Variants in ADGRB3 observed in about 807,000 individuals in gnomAD.
The protein encoded by ADGRB3 is brain-specific angiogenesis inhibitor 3.
Under a neutral mutation model 193.4 loss-of-function variants are expected in ADGRB3, and 37 were observed. The ratio of observed to expected loss-of-function variants is 0.19; its 90% CI spans 0.15 to 0.25. The LOEUF is 0.25. ADGRB3 is among the 10% of genes least tolerant of loss of function. The pLI is 1.00. For synonymous variants in ADGRB3, 690 were observed against 644.2 expected, an observed-to-expected ratio of 1.07 and a Z score of -1.08; for missense variants, 1,637 against 1,852.9, an observed-to-expected ratio of 0.88 and a Z score of 2.14.
chr6:68,848,610 T>C (rs981576150), intron 3 of ADGRB3, among the ~76,000 whole-genome samples: 1 of 152,080 alleles, frequency 6.6e-6, no homozygotes, highest in Non-Finnish European at 1.5e-5. Context: ...TACTATGTTT[T>C]ACATAATTCT....
intron 20 of ADGRB3, among the ~76,000 whole-genome samples, chr6:69,249,027 G>A (rs1766556516): frequency 2.0e-5 from 3 of 152,114 alleles, no homozygotes; most frequent in Admixed American, 2.0e-4. Context: ...GCCCAGGCTG[G>A]AGTGCAGTAG....
chr6:68,968,233 G>C (rs1242445483), intron 8 of ADGRB3, among the ~76,000 whole-genome samples: 1 of 152,020 alleles, frequency 6.6e-6, no homozygotes, highest in Admixed American at 6.6e-5. Context: ...TCACCCTACT[G>C]GCTCACTAGT....
intron 3 of ADGRB3, among the ~76,000 whole-genome samples, chr6:68,768,601 T>C (rs571168599): frequency 6.6e-6 from 1 of 152,150 alleles, no homozygotes; most frequent in South Asian, 2.1e-4. Context: ...GAAGAAAACC[T>C]AGGCAATATC....
chr6:68,703,447 A>T (rs1266879137), intron 3 of ADGRB3, among the ~76,000 whole-genome samples: 1 of 152,070 alleles, frequency 6.6e-6, no homozygotes, highest in Admixed American at 6.6e-5. Context: ...TTAACTATAT[A>T]TATGTTTCTA....
chr6:68,965,974 A>T (rs930652327), intron 8 of ADGRB3, among the ~76,000 whole-genome samples: 2 of 152,184 alleles, frequency 1.3e-5, no homozygotes, highest in African/African-American at 4.8e-5. Context: ...GGATTCCATC[A>T]TATATATCAA....
chr6:69,022,029 A>G (rs958002528), intron 13 of ADGRB3, among the ~76,000 whole-genome samples: 3 of 151,908 alleles, frequency 2.0e-5, no homozygotes. Flanking sequence ...AAAATAATCA[A>G]GCTTCAATAT....
chr6:68,736,109 T>G (rs1432979100), intron 3 of ADGRB3, among the ~76,000 whole-genome samples: 1 of 151,914 alleles, frequency 6.6e-6, no homozygotes, highest in East Asian at 1.9e-4. Context: ...GTTCCTGGGC[T>G]CAGGAGATCC....
At chr6:69,210,553 A>G (rs1235115977) in intron 17 of ADGRB3, among the ~76,000 whole-genome samples, 1 of 152,038 alleles carries the variant, frequency 6.6e-6, no homozygotes, top group Non-Finnish European at 1.5e-5. Flanking sequence ...GATAATAACC[A>G]TCACATACAT....
chr6:69,388,920 A>G lies in ADGRB3; in HGVS notation c.*29A>G. The G allele has an allele frequency of 6.3e-7, 1 of 1,593,478 alleles. No homozygotes were observed. The highest frequency in any genetic ancestry group is 2.2e-5 in the East Asian group (1 of 44,550). ...AATCAAAATGGACTAAGGTAGAGAC[A>G]AAACTTTATTGCACTGACACTTAAG... On this transcript the variant is annotated 3_prime_UTR_variant, in exon 32 of 32. Transcript: ENST00000370598.
At chr6:68,744,824 C>T (rs989196141) in intron 3 of ADGRB3, among the ~76,000 whole-genome samples, 2 of 152,024 alleles carry the variant, frequency 1.3e-5, no homozygotes, top group Non-Finnish European at 2.9e-5. Flanking sequence ...CACCATGGCA[C>T]GTGTATACCT....
chr6:69,213,631 G>A (rs142260008), intron 17 of ADGRB3, among the ~76,000 whole-genome samples: 7 of 152,136 alleles, frequency 4.6e-5, no homozygotes, highest in African/African-American at 1.4e-4. Context: ...TACAACATGC[G>A]TTTTACTTGA....
intron 3 of ADGRB3, among the ~76,000 whole-genome samples, chr6:68,880,176 T>G (rs1014980366): frequency 6.6e-6 from 1 of 151,956 alleles, no homozygotes; most frequent in African/African-American, 2.4e-5. Flanking sequence ...ATAAGGGGAG[T>G]GTACTGCAGA....
At chr6:68,814,266 G>T (rs1211507043) in intron 3 of ADGRB3, among the ~76,000 whole-genome samples, 2 of 152,172 alleles carry the variant, frequency 1.3e-5, no homozygotes, top group Non-Finnish European at 2.9e-5. Flanking sequence ...GTGTGAGATG[G>T]TATCTCATTG....
At chr6:68,768,889 A>T (rs1228940128) in intron 3 of ADGRB3, among the ~76,000 whole-genome samples, 2 of 152,224 alleles carry the variant, frequency 1.3e-5, no homozygotes, top group Admixed American at 1.3e-4. Flanking sequence ...ATATGAACAG[A>T]CACTTCTCAA....
At chr6:69,041,804 C>T (rs1771079885) in intron 13 of ADGRB3, among the ~76,000 whole-genome samples, 1 of 152,042 alleles carries the variant, frequency 6.6e-6, no homozygotes, top group African/African-American at 2.4e-5. Context: ...GTTGCCCAGG[C>T]TGGACTTGAA....
At chr6:69,004,881 T>A (rs1769700899) in intron 11 of ADGRB3, among the ~76,000 whole-genome samples, 1 of 152,048 alleles carries the variant, frequency 6.6e-6, no homozygotes, top group Admixed American at 6.6e-5. Flanking sequence ...ATTGAAGGGG[T>A]CTGTGTCAGT....
intron 30 of ADGRB3, 152 bp from the exon 31 acceptor site, chr6:69,382,679 C>T: frequency 2.1e-6 from 1 of 486,744 alleles, no homozygotes; most frequent in Non-Finnish European, 3.6e-6. Flanking sequence ...CAATGATTTG[C>T]TGCAACTTAT....
chr6:69,249,720 A>G lies in ADGRB3; in HGVS notation c.2814+10494A>G, dbSNP rs556789684. On this transcript the variant is annotated intron_variant, in intron 20 of 31. Coordinates refer to ENST00000370598, the MANE Select transcript of ADGRB3 (RefSeq NM_001704.3). The stretch of plus-strand genomic sequence containing the variant: ...TGTATATCAAATCATAAGCATTGCT[A>G]TGGCAAATCTTGGAACTAAAGTCCA... Among the ~76,000 whole-genome samples the G allele has an allele frequency of 4.6e-5, 7 of 152,302 alleles. 2 individuals are homozygous for G. In the South Asian group the frequency reaches 1.4e-3, roughly 32 times the overall value.
intron 15 of ADGRB3, among the ~76,000 whole-genome samples, chr6:69,061,257 C>A (rs1248426486): frequency 6.6e-6 from 1 of 151,846 alleles, no homozygotes; most frequent in East Asian, 1.9e-4. Flanking sequence ...AAAATGTTAA[C>A]CCATGCGAAA....
Sources: gnomAD v4.1 joint callset for allele counts (sites outside exome capture counted in the v4.1 genomes callset) on GRCh38, gnomAD v4.1.1 for gene constraint, MANE v1.5 for transcripts, NCBI Gene and HGNC (gene_info 2026-07-23, HGNC 2026-07-21) for gene names.